The following SNTG2 variants were observed in gnomAD, a reference collection of about 807,000 sequenced individuals.
SNTG2 encodes the protein gamma-2-syntrophin.
SNTG2 carries 74 observed loss-of-function variants against 70.9 expected under a neutral mutation model. The observed-to-expected ratio is 1.04, with a 90% CI of 0.86 to 1.27. The LOEUF is 1.27. Among genes scored for constraint, SNTG2 ranks in the 50% most tolerant of loss-of-function variants. The pLI, the probability that SNTG2 is intolerant of heterozygous loss-of-function variation, is 0.00. For synonymous variants in SNTG2, 278 were observed against 273.8 expected (o/e 1.02, Z -0.15); for missense variants, 717 against 690.7 (o/e 1.04, Z -0.43).
intron 1 of SNTG2, among the ~76,000 whole-genome samples, chr2:1,064,727 T>C (rs1265635667): frequency 1.3e-5 from 2 of 152,060 alleles, no homozygotes; most frequent in African/African-American, 4.8e-5. Context: ...CTAAGAAATA[T>C]TTGATTCATT....
chr2:1,016,135 A>G (rs1397447682), intron 1 of SNTG2, among the ~76,000 whole-genome samples: 1 of 152,246 alleles, frequency 6.6e-6, no homozygotes, highest in Non-Finnish European at 1.5e-5. Context: ...AGGCAGTTAT[A>G]GAGCACAGTA....
At chr2:1,077,818 A>G (rs1349487859) in intron 1 of SNTG2, among the ~76,000 whole-genome samples, 3 of 152,174 alleles carry the variant, frequency 2.0e-5, no homozygotes, top group African/African-American at 7.2e-5. Context: ...CAGTTATCAA[A>G]GCATTACTAC....
At chr2:1,015,010 G>T (rs1289765365) in intron 1 of SNTG2, among the ~76,000 whole-genome samples, 1 of 152,152 alleles carries the variant, frequency 6.6e-6, no homozygotes, top group Non-Finnish European at 1.5e-5. Flanking sequence ...CATGTGGCTG[G>T]GTAGGGCTGC....
intron 8 of SNTG2, among the ~76,000 whole-genome samples, chr2:1,208,335 C>T (rs552788651): frequency 1.5e-4 from 17 of 109,880 alleles, no homozygotes; most frequent in African/African-American, 5.6e-4. Flanking sequence ...GTGTGGGGCA[C>T]ACCTGTGAGG....
intron 1 of SNTG2, among the ~76,000 whole-genome samples, chr2:1,016,664 A>G (rs1240687869): frequency 6.6e-6 from 1 of 152,232 alleles, no homozygotes; most frequent in African/African-American, 2.4e-5. Context: ...TATGCTGAAC[A>G]GGTTGGCCAA....
intron 6 of SNTG2, among the ~76,000 whole-genome samples, chr2:1,165,265 A>G (rs993988928): frequency 2.6e-5 from 4 of 152,182 alleles, no homozygotes; most frequent in African/African-American, 9.7e-5. Context: ...TTGCATTCAT[A>G]GGGATGCAGA....
intron 15 of SNTG2, among the ~76,000 whole-genome samples, chr2:1,311,134 C>T (rs1680968926): frequency 6.6e-6 from 1 of 152,208 alleles, no homozygotes. Context: ...TTCACCTCCT[C>T]AGCTGAGGTT....
chr2:1,355,978 G>A (rs907116827), intron 16 of SNTG2, among the ~76,000 whole-genome samples: 1 of 152,194 alleles, frequency 6.6e-6, no homozygotes, highest in Admixed American at 6.5e-5. Context: ...CTGGCCACTT[G>A]AATGTCATCT....
At chr2:969,800 G>C (rs796379228) in intron 1 of SNTG2, among the ~76,000 whole-genome samples, 1 of 152,184 alleles carries the variant, frequency 6.6e-6, no homozygotes, top group Non-Finnish European at 1.5e-5. Flanking sequence ...GAATCATATT[G>C]TCTGCAAACA....
chr2:1,215,362 G>C (rs1226737022), intron 9 of SNTG2, among the ~76,000 whole-genome samples: 1 of 151,934 alleles, frequency 6.6e-6, no homozygotes, highest in African/African-American at 2.4e-5. Context: ...AAGACATCTG[G>C]TCTTCAGCTT....
At chr2:1,170,879 G>C (rs994498219) in intron 7 of SNTG2, among the ~76,000 whole-genome samples, 1 of 152,176 alleles carries the variant, frequency 6.6e-6, no homozygotes, top group Middle Eastern at 3.4e-3. Context: ...TACTGGAATT[G>C]CTGGGTCCTC....
chr2:1,218,411 C>T (rs988942988), intron 9 of SNTG2, among the ~76,000 whole-genome samples: 15 of 152,282 alleles, frequency 9.9e-5, no homozygotes, highest in Middle Eastern at 3.4e-3. Context: ...GTGTCTCAAC[C>T]TCTGTTTCCC....
chr2:1,237,610 A>T (rs1365364571), intron 9 of SNTG2, among the ~76,000 whole-genome samples: 1 of 152,240 alleles, frequency 6.6e-6, no homozygotes, highest in African/African-American at 2.4e-5. Context: ...AATCCTGCAG[A>T]CAATAACTCC....
chr2:1,155,698 G>A (rs1669849479), intron 6 of SNTG2, among the ~76,000 whole-genome samples: 1 of 152,174 alleles, frequency 6.6e-6, no homozygotes, highest in Non-Finnish European at 1.5e-5. Flanking sequence ...GCTGGGCAAA[G>A]CGGGGCTCTG....
chr2:1,278,995 C>CTA (rs1158025591), intron 14 of SNTG2, among the ~76,000 whole-genome samples: 1 of 85,730 alleles, frequency 1.2e-5, no homozygotes, highest in Non-Finnish European at 2.9e-5. Context: ...AATCACCCCT[C>CTA]TGTCAGTGCG....
At chr2:967,996 G>A (rs1161732674) in intron 1 of SNTG2, among the ~76,000 whole-genome samples, 3 of 151,798 alleles carry the variant, frequency 2.0e-5, no homozygotes, top group Non-Finnish European at 4.4e-5. Flanking sequence ...CTGCAATCCA[G>A]CTTGGGCAAC....
At chr2:1,057,909 G>A (rs948596182) in intron 1 of SNTG2, among the ~76,000 whole-genome samples, 17 of 152,198 alleles carry the variant, frequency 1.1e-4, no homozygotes, top group African/African-American at 2.4e-4. Flanking sequence ...GCATGGTGGC[G>A]CACACCTGTA....
intron 1 of SNTG2, among the ~76,000 whole-genome samples, chr2:1,042,908 A>G (rs185802075): frequency 6.9e-4 from 105 of 152,328 alleles, no homozygotes; most frequent in South Asian, 4.1e-3. Flanking sequence ...GCTGGGTTGA[A>G]TGGTAATGTG....
chr2:1,312,215 GT>G (rs150837951), intron 15 of SNTG2, among the ~76,000 whole-genome samples: 20,932 of 150,700 alleles, frequency 0.14, 1,624 homozygotes, highest in South Asian at 0.2. Context: ...TCGATGCAAA[GT>G]TTTTTTTTTA....
Sources: allele counts gnomAD v4.1 joint callset (sites outside exome capture counted in the v4.1 genomes callset), GRCh38; gene constraint gnomAD v4.1.1; transcripts MANE v1.5; gene names NCBI Gene and HGNC (gene_info 2026-07-23, HGNC 2026-07-21).